The following PALM2AKAP2 variants were observed in gnomAD, a reference collection of about 807,000 sequenced individuals.
The protein encoded by PALM2AKAP2 is PALM2-AKAP2 fusion protein.
In PALM2AKAP2, 37 loss-of-function variants were observed where a neutral mutation model predicts 71.5. The observed-to-expected ratio is 0.52, with a 90% CI of 0.40 to 0.68. The LOEUF (loss-of-function observed/expected upper bound fraction) is 0.68. PALM2AKAP2 is among the 30% of genes least tolerant of loss of function. The pLI is 0.00. For synonymous variants in PALM2AKAP2, 468 were observed against 478.8 expected (o/e 0.98, Z 0.29); for missense variants, 1,224 against 1,191.8 (o/e 1.03, Z -0.40).
intron 3 of PALM2AKAP2, among the ~76,000 whole-genome samples, chr9:109,887,977 T>A (rs2131797970): frequency 6.6e-6 from 1 of 152,280 alleles, no homozygotes; most frequent in Non-Finnish European, 1.5e-5. Context: ...GCACCATGAC[T>A]CTGGAGGTGC....
intron 2 of PALM2AKAP2, among the ~76,000 whole-genome samples, chr9:109,876,822 T>G (rs1040604300): frequency 1.3e-5 from 2 of 152,088 alleles, no homozygotes; most frequent in African/African-American, 4.8e-5. Flanking sequence ...TCCTGGCTCC[T>G]CCTGTTGGGA....
intron 1 of PALM2AKAP2, among the ~76,000 whole-genome samples, chr9:109,852,298 C>T (rs569764726): frequency 6.6e-6 from 1 of 152,286 alleles, no homozygotes; most frequent in Admixed American, 6.5e-5. Context: ...CTGTTGTTCC[C>T]ACCTTTGTGT....
intron 1 of PALM2AKAP2, among the ~76,000 whole-genome samples, chr9:109,707,718 C>G (rs1361505301): frequency 6.6e-6 from 1 of 152,204 alleles, no homozygotes. Context: ...CTTCCATGCT[C>G]AGTTTCTCTG....
intron 2 of PALM2AKAP2, among the ~76,000 whole-genome samples, chr9:109,877,877 A>C (rs1038807994): frequency 3.3e-5 from 5 of 152,226 alleles, no homozygotes; most frequent in African/African-American, 1.2e-4. Flanking sequence ...GTTATAGTTC[A>C]AGAAAAGCAA....
intron 1 of PALM2AKAP2, among the ~76,000 whole-genome samples, chr9:109,854,932 G>A (rs1316753034): frequency 6.6e-6 from 1 of 151,508 alleles, no homozygotes; most frequent in African/African-American, 2.4e-5. Context: ...CACCACGCCT[G>A]GCTAATTTTT....
At chr9:109,679,604 C>T (rs1451732541) in intron 1 of PALM2AKAP2, among the ~76,000 whole-genome samples, 1 of 151,976 alleles carries the variant, frequency 6.6e-6, no homozygotes, top group East Asian at 1.9e-4. Context: ...TTTTTCTTAC[C>T]CCAATGGGAG....
intron 1 of PALM2AKAP2, among the ~76,000 whole-genome samples, chr9:109,827,593 A>C (rs1365866201): frequency 6.6e-6 from 1 of 152,174 alleles, no homozygotes; most frequent in Non-Finnish European, 1.5e-5. Flanking sequence ...TGGGCGACAG[A>C]GTGAGACTCC....
chr9:109,884,558 G>A (rs958578909), intron 3 of PALM2AKAP2, among the ~76,000 whole-genome samples: 1 of 152,264 alleles, frequency 6.6e-6, no homozygotes, highest in Middle Eastern at 3.4e-3. Context: ...GTGACTTCAA[G>A]ATCAAATTTG....
At chr9:110,087,913 G>C (rs1834610438) in intron 1 of PALM2AKAP2, among the ~76,000 whole-genome samples, 1 of 152,116 alleles carries the variant, frequency 6.6e-6, no homozygotes, top group African/African-American at 2.4e-5. Flanking sequence ...TGGGATGAGG[G>C]GGCTGCTTAG....
intron 1 of PALM2AKAP2, among the ~76,000 whole-genome samples, chr9:109,697,256 A>G (rs554586947): frequency 6.6e-6 from 1 of 152,322 alleles, no homozygotes; most frequent in Non-Finnish European, 1.5e-5. Flanking sequence ...AAAGCAAGTT[A>G]TAGATTAATA....
chr9:109,669,439 A>G (rs566791384), intron 1 of PALM2AKAP2, among the ~76,000 whole-genome samples: 12 of 152,076 alleles, frequency 7.9e-5, no homozygotes, highest in Non-Finnish European at 1.5e-4. Flanking sequence ...ATTTTGGTTC[A>G]GAGTTATGTT....
chr9:109,648,295 C>T (rs1006580848), intron 1 of PALM2AKAP2, among the ~76,000 whole-genome samples: 1 of 152,110 alleles, frequency 6.6e-6, no homozygotes, highest in Non-Finnish European at 1.5e-5. Flanking sequence ...TGGACTAATA[C>T]TTAGTGTTAG....
intron 6 of PALM2AKAP2, among the ~76,000 whole-genome samples, chr9:109,962,217 G>C (rs1008271484): frequency 6.6e-6 from 1 of 152,118 alleles, no homozygotes; most frequent in Non-Finnish European, 1.5e-5. Context: ...TGGCAAAGAG[G>C]GTTAAATCTC....
intron 3 of PALM2AKAP2, among the ~76,000 whole-genome samples, chr9:109,892,824 G>T (rs925972829): frequency 6.6e-6 from 1 of 152,246 alleles, no homozygotes. Flanking sequence ...TTGGGGAGGG[G>T]TGACTATTAA....
intron 1 of PALM2AKAP2, among the ~76,000 whole-genome samples, chr9:110,050,522 A>G (rs1461916050): frequency 2.0e-5 from 3 of 152,192 alleles, no homozygotes; most frequent in African/African-American, 7.2e-5. Flanking sequence ...GTTTCTTTAA[A>G]CATAAAGACT....
At chr9:109,732,072 G>C (rs1473622515) in intron 1 of PALM2AKAP2, among the ~76,000 whole-genome samples, 1 of 152,192 alleles carries the variant, frequency 6.6e-6, no homozygotes. Flanking sequence ...GAGACAGGAA[G>C]ACCCCAACGA....
intron 2 of PALM2AKAP2, among the ~76,000 whole-genome samples, chr9:109,878,991 C>T (rs1041136513): frequency 3.0e-4 from 46 of 152,234 alleles, no homozygotes; most frequent in Non-Finnish European, 5.3e-4. Flanking sequence ...CCTGCCTTGG[C>T]CTCCCAAAGT....
At chr9:109,827,471 T>C (rs916359870) in intron 1 of PALM2AKAP2, among the ~76,000 whole-genome samples, 2 of 152,048 alleles carry the variant, frequency 1.3e-5, no homozygotes, top group Non-Finnish European at 2.9e-5. Flanking sequence ...TAGCCAGGCA[T>C]GGTGGGGTAT....
chr9:110,063,422 T>A lies in PALM2AKAP2; in HGVS notation c.156+14567T>A, dbSNP rs185445840. Among the ~76,000 whole-genome samples, 16 of 150,874 alleles carry A rather than the reference T, an allele frequency of 1.1e-4. No homozygotes were observed. In the East Asian group the frequency reaches 3.1e-3, roughly 30 times the overall value. On this transcript the variant is annotated intron_variant, in intron 1 of 3. Coordinates refer to ENST00000374525, the Ensembl canonical transcript of PALM2AKAP2. The stretch of plus-strand genomic sequence containing the variant: ...ACATGGTCTCTCCTCTGTGTATGTA[T>A]CTGTGTCCAAATTTCTATTTTTTTT...
Sources: gnomAD v4.1 joint callset for allele counts (sites outside exome capture counted in the v4.1 genomes callset) on GRCh38, gnomAD v4.1.1 for gene constraint, MANE v1.5 for transcripts, NCBI Gene and HGNC (gene_info 2026-07-23, HGNC 2026-07-21) for gene names.